The following PRKCE variants were observed in gnomAD, a reference collection of about 807,000 sequenced individuals.
PRKCE encodes protein kinase C epsilon type.
Under a neutral mutation model 85.4 loss-of-function variants are expected in PRKCE, and 16 were observed. That is an observed-to-expected ratio of 0.19 (90% CI 0.13 to 0.28). The LOEUF is 0.28. Ranked by LOEUF, PRKCE falls within the 10% of genes least tolerant of loss-of-function variation. The pLI is 1.00. For synonymous variants in PRKCE, 388 were observed against 371.5 expected, an observed-to-expected ratio of 1.04 and a Z score of -0.51; for missense variants, 573 against 975.2, an observed-to-expected ratio of 0.59 and a Z score of 5.49.
chr2:46,061,961 C>A (rs1667185435), intron 10 of PRKCE, among the ~76,000 whole-genome samples: 2 of 146,822 alleles, frequency 1.4e-5, no homozygotes, highest in South Asian at 4.3e-4. Flanking sequence ...GGTTCGGGTT[C>A]AAGAGATCCT....
chr2:45,684,047 TG>T (rs1280477465), intron 1 of PRKCE, among the ~76,000 whole-genome samples: 5 of 152,180 alleles, frequency 3.3e-5, no homozygotes, highest in African/African-American at 1.2e-4. Context: ...TGGTGTTTGC[TG>T]GTAGGAGGGA....
At chr2:46,149,346 A>T (rs1676381575) in intron 12 of PRKCE, among the ~76,000 whole-genome samples, 1 of 151,968 alleles carries the variant, frequency 6.6e-6, no homozygotes, top group Non-Finnish European at 1.5e-5. Context: ...CCCTTGCAGG[A>T]TATGCACTCC....
At chr2:45,813,018 C>G (rs1688759694) in intron 1 of PRKCE, among the ~76,000 whole-genome samples, 1 of 152,194 alleles carries the variant, frequency 6.6e-6, no homozygotes, top group Non-Finnish European at 1.5e-5. Context: ...AAGAAAATGG[C>G]TATTGAAAAT....
intron 1 of PRKCE, among the ~76,000 whole-genome samples, chr2:45,773,018 G>A (rs1457453014): frequency 6.6e-6 from 1 of 152,208 alleles, no homozygotes; most frequent in Admixed American, 6.5e-5. Flanking sequence ...TGCCCTGGAA[G>A]GCAAGAGCCC....
At position 45,774,769 on chromosome 2, in the gene PRKCE, C is replaced by T. The variant is rs996690864; in HGVS notation, c.349-68231C>T. 6.6e-6 allele frequency among the ~76,000 whole-genome samples: 1 copy of T among 152,060 alleles called. No homozygotes were observed. The highest frequency in any genetic ancestry group is 1.5e-5 in the Non-Finnish European group (1 of 68,006). On this transcript the variant is annotated intron_variant, in intron 1 of 14. Coordinates refer to ENST00000306156, the MANE Select transcript of PRKCE (RefSeq NM_005400.3). This position sits in a 1 kb window ranked among gnomAD's most constrained non-coding sequence, Gnocchi z 4.3. Reference sequence around the variant, plus strand: ...TGACTTTGACTCTTTCCTGGAGGGACCCACCCAAGCTGCACATTCCCAGGG... The same window carrying T: ...TGACTTTGACTCTTTCCTGGAGGGATCCACCCAAGCTGCACATTCCCAGGG...
rs1686604071 is a variant in PRKCE at position 45,786,369 on chromosome 2, G to GT, written c.349-56630dup. 6.6e-6 allele frequency among the ~76,000 whole-genome samples: 1 copy of GT among 152,140 alleles called. No individual in the cohort carries two copies. The highest frequency in any genetic ancestry group is 2.4e-5 in the African/African-American group (1 of 41,434). Reference sequence around the variant, plus strand: ...CAGTTGCTGTTTAACCGCCTCATCCGTGGGGTTCCAAGAAAACTGTGACAT... The same window carrying GT: ...CAGTTGCTGTTTAACCGCCTCATCCGTTGGGGTTCCAAGAAAACTGTGACAT... On this transcript the variant is annotated intron_variant, in intron 1 of 14. Coordinates refer to ENST00000306156, the MANE Select transcript of PRKCE (RefSeq NM_005400.3). This position sits in a 1 kb window ranked among gnomAD's most constrained non-coding sequence, Gnocchi z 5.3.
chr2:46,167,743 C>G (rs1344225057), intron 14 of PRKCE: 1 of 151,716 alleles, frequency 6.6e-6, no homozygotes, highest in African/African-American at 2.4e-5. Flanking sequence ...TCAGCACCCC[C>G]CACCCCGCCC....
At chr2:45,865,070 G>A (rs529549634) in intron 2 of PRKCE, among the ~76,000 whole-genome samples, 1 of 152,172 alleles carries the variant, frequency 6.6e-6, no homozygotes, top group Non-Finnish European at 1.5e-5. Flanking sequence ...AAACTTTATT[G>A]TCCATATAAG....
chr2:46,033,718 A>T (rs1707683778), intron 10 of PRKCE, among the ~76,000 whole-genome samples: 1 of 152,238 alleles, frequency 6.6e-6, no homozygotes, highest in Non-Finnish European at 1.5e-5. Flanking sequence ...TCAAAAGTGT[A>T]CGTATGAAAT....
Position 46,138,826 on chromosome 2 carries a change from C to A in PRKCE, c.1593-6267C>A, listed in dbSNP as rs898540444. ...AAACATCCTGTAGTACACAGCACAG[C>A]CCCCCACAACACAGGATTATCCAGT... On this transcript the variant is annotated intron_variant, in intron 11 of 14. Coordinates refer to ENST00000306156, the MANE Select transcript of PRKCE (RefSeq NM_005400.3). The surrounding 1 kb of genome is among the most constrained non-coding windows in gnomAD (Gnocchi z 4.2). 1.3e-5 allele frequency among the ~76,000 whole-genome samples: 2 copies of A among 152,124 alleles called. No individual in the cohort carries two copies. The highest frequency in any genetic ancestry group is 4.8e-5 in the African/African-American group (2 of 41,420).
intron 1 of PRKCE, among the ~76,000 whole-genome samples, chr2:45,728,502 T>C (rs1202294662): frequency 3.9e-5 from 6 of 152,126 alleles, no homozygotes; most frequent in Non-Finnish European, 7.3e-5. Context: ...TGCTGCTTGC[T>C]TTGAGGGTGG....
At chr2:46,002,140 T>C (rs1191524186) in intron 7 of PRKCE, among the ~76,000 whole-genome samples, 1 of 152,248 alleles carries the variant, frequency 6.6e-6, no homozygotes, top group Admixed American at 6.5e-5. Flanking sequence ...CAAAATGTTA[T>C]TTTGGTAAGT....
intron 10 of PRKCE, among the ~76,000 whole-genome samples, chr2:46,049,415 C>T (rs2105053419): frequency 6.6e-6 from 1 of 152,234 alleles, no homozygotes; most frequent in Non-Finnish European, 1.5e-5. Context: ...CTTAAAGTGG[C>T]CTGAGATAGG....
At chr2:46,099,500 A>ATT (rs56086039) in intron 11 of PRKCE, among the ~76,000 whole-genome samples, 4,384 of 146,634 alleles carry the variant, frequency 0.03, 226 homozygotes, top group African/African-American at 0.1. Context: ...AAGGTATGGT[A>ATT]TTTTTTTTTT....
intron 1 of PRKCE, among the ~76,000 whole-genome samples, chr2:45,809,698 AC>A (rs1406942538): frequency 1.3e-5 from 2 of 151,258 alleles, no homozygotes; most frequent in African/African-American, 2.4e-5. Flanking sequence ...AGCCTGGCCA[AC>A]ATGGTGAAAC....
chr2:45,911,541 G>T (rs1486033831), intron 2 of PRKCE, among the ~76,000 whole-genome samples: 1 of 152,194 alleles, frequency 6.6e-6, no homozygotes, highest in Non-Finnish European at 1.5e-5. Context: ...ATGAGAAATT[G>T]CTTTGAAAGA....
intron 1 of PRKCE, among the ~76,000 whole-genome samples, chr2:45,713,367 G>C (rs1679827244): frequency 2.0e-5 from 3 of 152,148 alleles, no homozygotes; most frequent in Admixed American, 6.5e-5. Flanking sequence ...TGTGATGCCT[G>C]ATGGTAATGG....
chr2:46,023,382 G>A (rs1022544353), intron 10 of PRKCE, among the ~76,000 whole-genome samples: 16 of 152,216 alleles, frequency 1.1e-4, no homozygotes, highest in Non-Finnish European at 5.9e-5. Flanking sequence ...ACAAGTGCCT[G>A]TTCAGGAGGG....
At chr2:46,035,144 G>A (rs1214768554) in intron 10 of PRKCE, among the ~76,000 whole-genome samples, 1 of 152,180 alleles carries the variant, frequency 6.6e-6, no homozygotes, top group South Asian at 2.1e-4. Flanking sequence ...TGATGTCAGG[G>A]CTTTCAAGCA....
Sources: allele counts gnomAD v4.1 joint callset (sites outside exome capture counted in the v4.1 genomes callset), GRCh38; gene constraint gnomAD v4.1.1; non-coding constraint Gnocchi (gnomAD v3.1); transcripts MANE v1.5; gene names NCBI Gene and HGNC (gene_info 2026-07-23, HGNC 2026-07-21).